The following EMC1 variants were observed in gnomAD, a reference collection of about 807,000 sequenced individuals.
EMC1 encodes KIAA0090.
Under a neutral mutation model 128.8 loss-of-function variants are expected in EMC1, and 103 were observed. The ratio of observed to expected loss-of-function variants is 0.80; its 90% CI spans 0.68 to 0.94. The LOEUF (loss-of-function observed/expected upper bound fraction) is 0.94. EMC1 is among the 40% of genes least tolerant of loss of function. The pLI is 0.00. For synonymous variants in EMC1, 442 were observed against 490.4 expected, an observed-to-expected ratio of 0.90 and a Z score of 1.30; for missense variants, 1,083 against 1,250.6, an observed-to-expected ratio of 0.87 and a Z score of 2.02.
intron 6 of EMC1, 125 bp from the exon 7 acceptor site, chr1:19,240,571 G>A (rs1460404300): frequency 9.2e-7 from 1 of 1,086,138 alleles, no homozygotes; most frequent in African/African-American, 1.6e-5. Flanking sequence ...TTCATGGTTG[G>A]TTGTATAGGA....
chr1:19,244,174 G>T (rs1367115019), intron 2 of EMC1, among the ~76,000 whole-genome samples, 159 bp from the exon 3 acceptor site: 1 of 152,128 alleles, frequency 6.6e-6, no homozygotes, highest in Admixed American at 6.5e-5. Context: ...TCCCATTCAC[G>T]GGGTAATGAG....
At chr1:19,233,268 G>C in intron 13 of EMC1, 133 bp from the exon 14 acceptor site, 1 of 750,472 alleles carries the variant, frequency 1.3e-6, no homozygotes, top group Non-Finnish European at 2.1e-6. Flanking sequence ...CAAGCCCAAA[G>C]GGCAGTCCTG....
intron 17 of EMC1, among the ~76,000 whole-genome samples, chr1:19,228,928 T>G (rs2093499119): frequency 6.6e-6 from 1 of 151,958 alleles, no homozygotes; most frequent in Non-Finnish European, 1.5e-5. Flanking sequence ...GGCGTGCACA[T>G]GTAGTCTTGG....
At chr1:19,219,883 G>C (rs1309908120) in intron 21 of EMC1, 185 bp from the exon 22 acceptor site, 2 of 600,550 alleles carry the variant, frequency 3.3e-6, no homozygotes, top group Admixed American at 5.9e-5. Flanking sequence ...AAGAAAGGAA[G>C]CTCTCTGGAG....
intron 20 of EMC1, 31 bp downstream of exon 20, chr1:19,222,593 C>T: frequency 6.2e-7 from 1 of 1,604,634 alleles, no homozygotes. Context: ...CAAGGGAACC[C>T]AGCCATCCCA....
In EMC1 at chr1:19,231,399, A is replaced by C. The variant is rs372717647; in HGVS notation, c.1806T>G (p.Tyr602Ter). 1.7e-5 allele frequency: 28 copies of C among 1,612,086 alleles called. No homozygotes were observed. The highest frequency in any genetic ancestry group is 2.1e-5 in the Non-Finnish European group (25 of 1,179,622). The change falls in exon 16 of 23, where the codon TAT becomes TAG. Residue 602 changes from tyrosine (Y) to a stop codon, truncating the protein, a stop_gained. Coordinates refer to ENST00000477853, the MANE Select transcript of EMC1 (RefSeq NM_015047.3). LOFTEE classifies it high-confidence loss of function. ...ACTTCCCAAAAATGGGATTGAAGAC[A>C]TACAGAGAACTCATTCCCGACTCCT... ...KDKESGMSSLYVFNPIFGKWS... is the reference protein window; with the variant it reads ...KDKESGMSSL
At chr1:19,227,041 CAAAA>C (rs895983536) in intron 18 of EMC1, among the ~76,000 whole-genome samples, 1 of 150,120 alleles carries the variant, frequency 6.7e-6, no homozygotes, top group Non-Finnish European at 1.5e-5. Context: ...AACAAACAAA[CAAAA>C]AAAAAGTCAA....
intron 10 of EMC1, among the ~76,000 whole-genome samples, 167 bp from the exon 11 acceptor site, chr1:19,238,306 G>C (rs991588336): frequency 6.6e-6 from 1 of 152,190 alleles, no homozygotes; most frequent in Non-Finnish European, 1.5e-5. Context: ...TCCTAAGGCA[G>C]AAATAAGGTG....
intron 2 of EMC1, 135 bp downstream of exon 2, chr1:19,244,771 A>AG (rs1487099647): frequency 1.3e-5 from 13 of 994,888 alleles, no homozygotes; most frequent in Non-Finnish European, 2.0e-5. Flanking sequence ...TGAAAAAAAA[A>AG]AAGTATCAGA....
intron 1 of EMC1, among the ~76,000 whole-genome samples, chr1:19,246,966 A>G (rs1366670906): frequency 6.6e-6 from 1 of 152,160 alleles, no homozygotes; most frequent in Non-Finnish European, 1.5e-5. Context: ...CCTTAATCCA[A>G]TAGAGGAAGA....
chr1:19,239,153 A>C, intron 9 of EMC1, 78 bp downstream of exon 9: 1 of 1,380,818 alleles, frequency 7.2e-7, no homozygotes, highest in South Asian at 1.2e-5. Flanking sequence ...CAATGTGCCC[A>C]GACTTCTGAT....
Position 19,244,881 on chromosome 1 carries a change from T to C in EMC1, c.220+25A>G, listed in dbSNP as rs548432642. On this transcript the variant is annotated intron_variant, in intron 2 of 22. Coordinates refer to ENST00000477853, the MANE Select transcript of EMC1 (RefSeq NM_015047.3). ...AGTCTTTCATCCCTGAGGCAGCCAG[T>C]AGACACAGTTCTCAGTTCACTCACA... The C allele has an allele frequency of 9.3e-6, 15 of 1,612,582 alleles. No homozygotes were observed. The African/African-American group carries it at 1.7e-4, about 19-fold the overall frequency.
At position 19,230,442 on chromosome 1, in the gene EMC1, C is replaced by T. The variant is rs932099607; in HGVS notation, c.2064+402G>A. On this transcript the variant is annotated intron_variant, in intron 17 of 22. Coordinates refer to ENST00000477853, the MANE Select transcript of EMC1 (RefSeq NM_015047.3). ...AAAATTAGCCGGGCGCGGTGGCGCA[C>T]GCCTGTAATCCCAGCTACTTGGGTG... Among the ~76,000 whole-genome samples the T allele has an allele frequency of 1.2e-4, 19 of 152,228 alleles. 1 individual carries two copies. The highest frequency in any genetic ancestry group is 1.6e-4 in the Non-Finnish European group (11 of 68,024).
Position 19,223,391 on chromosome 1 carries a change from C to T in EMC1, c.2376+5G>A. 6.2e-7 allele frequency: 1 copy of T among 1,613,020 alleles called. No homozygotes were observed. Among genetic ancestry groups the T allele is most frequent in the Non-Finnish European group, 8.5e-7 (1 of 1,179,096 alleles). On this transcript the variant is annotated splice_donor_5th_base_variant and intron_variant, in intron 19 of 22. Transcript: ENST00000477853. ...TACCTTGGGTCCCTGGTAGTGACCG[C>T]TTACCACCACCCAGTTCTCTGAATG...
At chr1:19,222,587 G>A in intron 20 of EMC1, 37 bp downstream of exon 20, 2 of 1,597,534 alleles carry the variant, frequency 1.3e-6, no homozygotes, top group Non-Finnish European at 8.6e-7. Context: ...GTTGCCCAAG[G>A]GAACCCAGCC....
Position 19,251,445 on chromosome 1 carries a change from A to G in EMC1, c.65T>C (p.Val22Ala), listed in dbSNP as rs1183404891. The change falls in exon 1 of 23, where the codon GTC becomes GCC. Residue 22 changes from valine (V) to alanine (A), a missense_variant. By Grantham distance (64) the Val-to-Ala change is moderately conservative. Coordinates refer to ENST00000477853, the MANE Select transcript of EMC1 (RefSeq NM_015047.3). ...AAACTTGCCCACTTGGTCTTCGTAG[A>G]CCGCGGCCGCAGGAATCAGCAGCGT... ...WATLLIPAAA[V>A]YEDQVGKFDW... 6.2e-7 allele frequency: 1 copy of G among 1,614,128 alleles called. No individual in the cohort carries two copies. Among genetic ancestry groups the G allele is most frequent in the Non-Finnish European group, 8.5e-7 (1 of 1,180,022 alleles).
intron 10 of EMC1, 140 bp from the exon 11 acceptor site, chr1:19,238,279 G>A: frequency 1.1e-6 from 1 of 940,996 alleles, no homozygotes; most frequent in South Asian, 1.8e-5. Context: ...GAGAATAAAA[G>A]AGAAAAGCAA....
intron 1 of EMC1, among the ~76,000 whole-genome samples, chr1:19,249,882 C>T (rs985637123): frequency 1.2e-4 from 18 of 151,800 alleles, no homozygotes; most frequent in Non-Finnish European, 2.1e-4. Flanking sequence ...TAGTACTGTA[C>T]TCCAGCCTGG....
chr1:19,240,186 T>C, intron 7 of EMC1, 111 bp downstream of exon 7: 1 of 1,401,950 alleles, frequency 7.1e-7, no homozygotes, highest in Non-Finnish European at 9.9e-7. Context: ...CTGAATGGCT[T>C]CCACTGCTCA....
Sources: allele counts gnomAD v4.1 joint callset (sites outside exome capture counted in the v4.1 genomes callset), GRCh38; gene constraint gnomAD v4.1.1; transcripts MANE v1.5; gene names NCBI Gene and HGNC (gene_info 2026-07-23, HGNC 2026-07-21).